The following DPP10 variants were observed in gnomAD, a reference collection of about 807,000 sequenced individuals.
The protein encoded by DPP10 is dipeptidyl peptidase like 10.
Under a neutral mutation model 120.9 loss-of-function variants are expected in DPP10, and 33 were observed. The ratio of observed to expected loss-of-function variants is 0.27; its 90% confidence interval spans 0.21 to 0.37. The LOEUF (loss-of-function observed/expected upper bound fraction) is 0.37, where lower values mean the gene tolerates loss of function less well. DPP10 is among the 10% of genes least tolerant of loss of function. The probability of loss-of-function intolerance (pLI) is 1.00; values close to 1 mark genes in which losing one functional copy is unlikely to be tolerated. For missense variants in DPP10, 816 were observed against 942.8 expected, an observed-to-expected ratio of 0.87 and a Z score of 1.76; for synonymous variants, 337 against 326.1, an observed-to-expected ratio of 1.03 and a Z score of -0.36.
At chr2:115,293,018 G>A (rs1360958796) in intron 1 of DPP10, among the ~76,000 whole-genome samples, 10 of 152,016 alleles carry the variant, frequency 6.6e-5, no homozygotes, top group African/African-American at 2.4e-4. Context: ...TGGCACTCAG[G>A]TTTGGGGCAC....
chr2:115,174,104 T>G (rs1397935405), intron 1 of DPP10, among the ~76,000 whole-genome samples: 5 of 152,176 alleles, frequency 3.3e-5, no homozygotes, highest in Admixed American at 1.3e-4. Context: ...AATAAGAAGA[T>G]GTATTGTATA....
At chr2:115,721,165 C>A (rs1215182634) in intron 7 of DPP10, among the ~76,000 whole-genome samples, 1 of 152,182 alleles carries the variant, frequency 6.6e-6, no homozygotes, top group Non-Finnish European at 1.5e-5. Context: ...ATCATGACTC[C>A]ATTTTGCCAA....
intron 18 of DPP10, 40 bp from the exon 19 acceptor site, chr2:115,791,247 A>G: frequency 6.2e-7 from 1 of 1,603,874 alleles, no homozygotes; most frequent in Non-Finnish European, 8.5e-7. Flanking sequence ...TTACCTGCAA[A>G]TGACTCTCCA....
intron 5 of DPP10, among the ~76,000 whole-genome samples, chr2:115,566,994 G>A (rs911426515): frequency 2.0e-5 from 3 of 152,034 alleles, no homozygotes; most frequent in East Asian, 1.9e-4. Context: ...TATAAGAGAC[G>A]TAAGTAGTTT....
intron 1 of DPP10, among the ~76,000 whole-genome samples, chr2:115,207,161 T>C (rs2056190627): frequency 6.6e-6 from 1 of 152,196 alleles, no homozygotes; most frequent in South Asian, 2.1e-4. Context: ...GCAGCAACTT[T>C]CAAATGATTT....
At chr2:115,750,541 A>G (rs1678571836) in intron 10 of DPP10, among the ~76,000 whole-genome samples, 1 of 152,198 alleles carries the variant, frequency 6.6e-6, no homozygotes, top group African/African-American at 2.4e-5. Context: ...AAGGTTTGTA[A>G]TGAGGTATCT....
intron 1 of DPP10, among the ~76,000 whole-genome samples, chr2:114,742,563 ATTC>A (rs1387116445): frequency 6.6e-6 from 1 of 152,124 alleles, no homozygotes; most frequent in Non-Finnish European, 1.5e-5. Context: ...CTTTTTTGAA[ATTC>A]TTCTTTGATT....
chr2:114,903,907 A>G (rs1234671812), intron 1 of DPP10, among the ~76,000 whole-genome samples: 1 of 152,252 alleles, frequency 6.6e-6, no homozygotes, highest in Non-Finnish European at 1.5e-5. Flanking sequence ...CCTTACAGGC[A>G]TCTTGATTTT....
At chr2:115,204,126 A>G (rs1006459987) in intron 1 of DPP10, among the ~76,000 whole-genome samples, 1 of 72 alleles carries the variant, frequency 0.014, no homozygotes, top group African/African-American at 0.042. Context: ...TTTACTAATT[A>G]GTGAAATGTC....
chr2:115,242,678 T>C (rs1559300580), intron 1 of DPP10, among the ~76,000 whole-genome samples: 1 of 151,480 alleles, frequency 6.6e-6, no homozygotes. Context: ...ATCTATTTTT[T>C]TTTTTTTTTT....
chr2:114,753,929 A>G (rs1265269247), intron 1 of DPP10, among the ~76,000 whole-genome samples: 2 of 150,358 alleles, frequency 1.3e-5, no homozygotes, highest in South Asian at 2.1e-4. Context: ...AAAAAAAAAA[A>G]AAAGAAAAGA....
chr2:115,594,542 C>T (rs904399604), intron 5 of DPP10, among the ~76,000 whole-genome samples: 1 of 152,160 alleles, frequency 6.6e-6, no homozygotes, highest in Non-Finnish European at 1.5e-5. Context: ...CCCGATATTA[C>T]ACTAACAATC....
At chr2:115,162,365 C>T (rs2052468753) in intron 1 of DPP10, 2 of 1,372,800 alleles carry the variant, frequency 1.5e-6, no homozygotes, top group South Asian at 3.1e-5. Context: ...CTCTTGGTTC[C>T]CCATTAACGC....
chr2:114,486,006 A>G (rs1054985047), intron 1 of DPP10, among the ~76,000 whole-genome samples: 2 of 152,208 alleles, frequency 1.3e-5, no homozygotes, highest in Non-Finnish European at 2.9e-5. Flanking sequence ...TCTCTGATAC[A>G]ATTTGGGAGA....
chr2:114,797,731 G>T (rs1683837888), intron 1 of DPP10, among the ~76,000 whole-genome samples: 1 of 152,160 alleles, frequency 6.6e-6, no homozygotes, highest in Non-Finnish European at 1.5e-5. Flanking sequence ...TGCTTACAAG[G>T]AAGATTCCAA....
At chr2:114,748,290 A>G (rs1304988294) in intron 1 of DPP10, among the ~76,000 whole-genome samples, 1 of 148,376 alleles carries the variant, frequency 6.7e-6, no homozygotes, top group Non-Finnish European at 1.5e-5. Context: ...CGTGAGAAAC[A>G]TGCATCTTGA....
intron 2 of DPP10, among the ~76,000 whole-genome samples, chr2:115,336,738 CTAAG>C (rs1007114972): frequency 1.3e-5 from 2 of 151,546 alleles, no homozygotes; most frequent in Admixed American, 6.6e-5. Context: ...ACATTAGGGA[CTAAG>C]TATTGATTTT....
chr2:115,223,176 G>A (rs139843676), intron 1 of DPP10, among the ~76,000 whole-genome samples: 15 of 152,112 alleles, frequency 9.9e-5, no homozygotes, highest in African/African-American at 2.4e-4. Flanking sequence ...GAGTAAAGAC[G>A]GCAATAAGAG....
intron 8 of DPP10, among the ~76,000 whole-genome samples, chr2:115,736,989 A>C (rs985958810): frequency 6.6e-6 from 1 of 152,102 alleles, no homozygotes; most frequent in African/African-American, 2.4e-5. Context: ...GTCTCCTACC[A>C]CGAACAGTGG....
Sources: allele counts gnomAD v4.1 joint callset (sites outside exome capture counted in the v4.1 genomes callset), GRCh38; gene constraint gnomAD v4.1.1; transcripts MANE v1.5; gene names NCBI Gene and HGNC (gene_info 2026-07-23, HGNC 2026-07-21).